Variants in CTNND2 observed in about 807,000 individuals in gnomAD.
CTNND2 encodes catenin delta 2.
CTNND2 carries 22 observed loss-of-function variants against 144.4 expected under a neutral mutation model. The ratio of observed to expected loss-of-function variants is 0.15; its 90% CI spans 0.11 to 0.22. CTNND2 has a LOEUF of 0.22. CTNND2 is among the 10% of genes least tolerant of loss of function. The probability of loss-of-function intolerance (pLI) is 1.00; values close to 1 mark genes in which losing one functional copy is unlikely to be tolerated. For synonymous variants in CTNND2, 751 were observed against 695.6 expected, an observed-to-expected ratio of 1.08 and a Z score of -1.25; for missense variants, 1,353 against 1,618.8, an observed-to-expected ratio of 0.84 and a Z score of 2.82.
intron 11 of CTNND2, among the ~76,000 whole-genome samples, chr5:11,173,949 G>A (rs1403276031): frequency 6.6e-6 from 1 of 152,166 alleles, no homozygotes; most frequent in Non-Finnish European, 1.5e-5. Flanking sequence ...GAAAAGAAGT[G>A]GGCAGGCAAG....
intron 3 of CTNND2, among the ~76,000 whole-genome samples, chr5:11,478,765 A>G (rs1409299261): frequency 6.6e-6 from 1 of 152,200 alleles, no homozygotes; most frequent in Non-Finnish European, 1.5e-5. Flanking sequence ...TCATCAATGC[A>G]ATTAATTTTA....
intron 1 of CTNND2, among the ~76,000 whole-genome samples, chr5:11,745,673 C>G (rs1788269008): frequency 6.6e-6 from 1 of 152,190 alleles, no homozygotes; most frequent in Non-Finnish European, 1.5e-5. Context: ...CCTGGACACA[C>G]AAAACCCTCC....
intron 5 of CTNND2, among the ~76,000 whole-genome samples, chr5:11,409,972 A>G (rs1477632319): frequency 6.6e-6 from 1 of 151,946 alleles, no homozygotes; most frequent in African/African-American, 2.4e-5. Flanking sequence ...CATTTATTAA[A>G]TGTTACTCCT....
At position 11,384,673 on chromosome 5, in the gene CTNND2, C is replaced by G. The variant is rs1207661247; in HGVS notation, c.1169G>C (p.Ser390Thr). The G allele has an allele frequency of 6.2e-7, 1 of 1,601,588 alleles. No homozygotes were observed. The highest frequency in any genetic ancestry group is 2.2e-5 in the East Asian group (1 of 44,596). Residue 390 changes from serine (S) to threonine (T), a missense_variant, in exon 7 of 22, where the codon AGC (serine) becomes ACC (threonine). By Grantham distance (58) the Ser-to-Thr change is moderately conservative. Coordinates refer to ENST00000304623, the MANE Select transcript of CTNND2 (RefSeq NM_001332.4). The surrounding 1 kb of genome is among the most constrained non-coding windows in gnomAD (Gnocchi z 5.2). ...TGGCAGCGAGCCTTTACCTGCCAGG[C>G]TGCCCGGCCTCTGGAGGGTGGCCGT... ...YATATLQRPG[S>T]LAAGSRASYS...
At chr5:11,196,898 T>A (rs910803083) in intron 11 of CTNND2, among the ~76,000 whole-genome samples, 2 of 152,216 alleles carry the variant, frequency 1.3e-5, no homozygotes, top group Admixed American at 6.5e-5. Flanking sequence ...GTGAATTCCT[T>A]TTGCCTCATT....
chr5:11,862,641 T>C (rs1274657892), intron 1 of CTNND2, among the ~76,000 whole-genome samples: 1 of 152,218 alleles, frequency 6.6e-6, no homozygotes, highest in Non-Finnish European at 1.5e-5. Context: ...ACAATCATAT[T>C]ACTACCATTT....
intron 2 of CTNND2, among the ~76,000 whole-genome samples, chr5:11,673,594 C>G (rs552180021): frequency 1.3e-5 from 2 of 152,032 alleles, no homozygotes; most frequent in African/African-American, 4.8e-5. Context: ...ACTTTAAAAT[C>G]TTATTCTGAA....
At chr5:11,358,156 C>T (rs920662442) in intron 8 of CTNND2, among the ~76,000 whole-genome samples, 3 of 152,136 alleles carry the variant, frequency 2.0e-5, no homozygotes, top group African/African-American at 7.2e-5. Context: ...TCAAGGCCAG[C>T]TGTGTAATTT....
At chr5:11,571,921 C>T (rs546525666) in intron 2 of CTNND2, among the ~76,000 whole-genome samples, 6 of 152,254 alleles carry the variant, frequency 3.9e-5, no homozygotes, top group South Asian at 4.1e-4. Context: ...CTTCACAGTG[C>T]TTTAAGTAAC....
chr5:11,550,830 G>A (rs1214576089), intron 3 of CTNND2, among the ~76,000 whole-genome samples: 1 of 152,224 alleles, frequency 6.6e-6, no homozygotes, highest in Non-Finnish European at 1.5e-5. Context: ...GAGAATGGTT[G>A]TGGTAAAAGT....
chr5:11,162,460 T>C (rs1231187581), intron 11 of CTNND2, among the ~76,000 whole-genome samples: 3 of 152,142 alleles, frequency 2.0e-5, no homozygotes, highest in African/African-American at 7.2e-5. Context: ...TAATTCAGAA[T>C]CACGAACAAA....
At chr5:11,708,249 T>A (rs1457339261) in intron 2 of CTNND2, among the ~76,000 whole-genome samples, 1 of 152,092 alleles carries the variant, frequency 6.6e-6, no homozygotes, top group Admixed American at 6.6e-5. Flanking sequence ...GATTTATCAG[T>A]GGTAAAATGT....
chr5:11,770,012 G>A (rs1054131937), intron 1 of CTNND2, among the ~76,000 whole-genome samples: 1 of 152,138 alleles, frequency 6.6e-6, no homozygotes, highest in Non-Finnish European at 1.5e-5. Context: ...GAATTCAGGG[G>A]GAAAGTATGG....
intron 3 of CTNND2, among the ~76,000 whole-genome samples, chr5:11,457,097 C>A (rs1029532137): frequency 1.3e-5 from 2 of 152,062 alleles, no homozygotes; most frequent in Admixed American, 6.6e-5. Context: ...TTATTTATTT[C>A]TTTTTTATAA....
chr5:11,414,777 G>C (rs1469148159), intron 3 of CTNND2, among the ~76,000 whole-genome samples: 8 of 152,140 alleles, frequency 5.3e-5, no homozygotes, highest in Non-Finnish European at 1.0e-4. Context: ...ATAGACCCCA[G>C]TGTCTGTGGT....
chr5:11,171,818 G>T (rs1759953731), intron 11 of CTNND2, among the ~76,000 whole-genome samples: 1 of 152,100 alleles, frequency 6.6e-6, no homozygotes, highest in East Asian at 1.9e-4. Flanking sequence ...AGAACGAGCA[G>T]AATTAGCCAG....
chr5:10,984,586 C>T (rs1737703988), intron 20 of CTNND2, among the ~76,000 whole-genome samples: 1 of 152,112 alleles, frequency 6.6e-6, no homozygotes, highest in African/African-American at 2.4e-5. Flanking sequence ...TTTCCCCTCA[C>T]TCGTTTAAAC....
intron 1 of CTNND2, among the ~76,000 whole-genome samples, chr5:11,871,229 T>C (rs1466950759): frequency 6.6e-6 from 1 of 152,224 alleles, no homozygotes; most frequent in Non-Finnish European, 1.5e-5. Context: ...CTATGGTAAC[T>C]TGTTCTAGCA....
chr5:11,471,776 T>C (rs1004903178), intron 3 of CTNND2, among the ~76,000 whole-genome samples: 1 of 152,208 alleles, frequency 6.6e-6, no homozygotes, highest in Non-Finnish European at 1.5e-5. Flanking sequence ...ACATAGGAGT[T>C]ACCAATGCCA....
Sources: allele counts gnomAD v4.1 joint callset (sites outside exome capture counted in the v4.1 genomes callset), GRCh38; gene constraint gnomAD v4.1.1; non-coding constraint Gnocchi (gnomAD v3.1); transcripts MANE v1.5; gene names NCBI Gene and HGNC (gene_info 2026-07-23, HGNC 2026-07-21).